The following TAX1BP3 variants were observed in gnomAD, a reference collection of about 807,000 sequenced individuals.
TAX1BP3 encodes the protein tax1-binding protein 3.
A neutral mutation model predicts 15.3 loss-of-function variants in TAX1BP3; 13 were observed. That is an observed-to-expected ratio of 0.85 (90% CI 0.55 to 1.35). TAX1BP3 has a LOEUF of 1.35. TAX1BP3 is among the 40% of genes most tolerant of loss of function. The pLI is 0.00. For synonymous variants in TAX1BP3, 70 were observed against 66.0 expected (o/e 1.06, Z -0.30); for missense variants, 147 against 169.6 (o/e 0.87, Z 0.74).
chr17:3,665,212 T>C, intron 1 of TAX1BP3: 1 of 1,250,016 alleles, frequency 8.0e-7, no homozygotes, highest in Admixed American at 1.7e-5. Context: ...TTCCAGTAAT[T>C]CGCCAAAATG....
chr17:3,664,277 A>G lies in TAX1BP3; in HGVS notation c.160-5T>C. ...CACCCGTGTGACATAAATACCCTGG[A>G]AAGGGGCAGCCCAAGTCAAGCCCTG... is the stretch of plus-strand genomic sequence containing the variant. On this transcript the variant is annotated splice_region_variant and splice_polypyrimidine_tract_variant and intron_variant, in intron 2 of 3. Coordinates refer to ENST00000225525, the MANE Select transcript of TAX1BP3 (RefSeq NM_014604.4). The G allele has an allele frequency of 6.2e-7, 1 of 1,613,934 alleles. No homozygotes were observed. Among genetic ancestry groups the G allele is most frequent in the Non-Finnish European group, 8.5e-7 (1 of 1,180,028 alleles).
In TAX1BP3 at chr17:3,668,423, C is replaced by G. The variant is rs1369418476; in HGVS notation, c.39+65G>C. The G allele has an allele frequency of 1.3e-5, 21 of 1,580,558 alleles. No homozygotes were observed. The highest frequency in any genetic ancestry group is 1.7e-4 in the Middle Eastern group (1 of 5,828). On this transcript the variant is annotated intron_variant, in intron 1 of 3. Coordinates refer to ENST00000225525, the MANE Select transcript of TAX1BP3 (RefSeq NM_014604.4). The surrounding 1 kb of genome is among the most constrained non-coding windows in gnomAD (Gnocchi z 4.1). ...TGCTCTGTCAACCTGCTTGGGGTGT[C>G]CGTTTCCCGCTCTGCGAGGTGGGGT...
At position 3,668,164 on chromosome 17, in the gene TAX1BP3, C is replaced by T. The variant is rs941486303; in HGVS notation, c.39+324G>A. On this transcript the variant is annotated intron_variant, in intron 1 of 3. Coordinates refer to ENST00000225525, the MANE Select transcript of TAX1BP3 (RefSeq NM_014604.4). The surrounding 1 kb of genome is among the most constrained non-coding windows in gnomAD (Gnocchi z 4.1). The stretch of plus-strand genomic sequence containing the variant: ...CGGGATCGGCGCCCGCCCCCAGCAG[C>T]TCCCCGTCTGGGGACACGGAGGCCC... 1.3e-5 allele frequency among the ~76,000 whole-genome samples: 2 copies of T among 152,162 alleles called. No homozygotes were observed. The highest frequency in any genetic ancestry group is 4.8e-5 in the African/African-American group (2 of 41,436).
chr17:3,667,959 C>A (rs774043557), intron 1 of TAX1BP3, among the ~76,000 whole-genome samples: 1 of 152,266 alleles, frequency 6.6e-6, no homozygotes, highest in Non-Finnish European at 1.5e-5. Flanking sequence ...CGCAGCTATA[C>A]GAGCGTCCAC....
intron 2 of TAX1BP3, chr17:3,664,473 G>A (rs373218352): frequency 5.3e-5 from 49 of 932,754 alleles, no homozygotes; most frequent in African/African-American, 2.3e-4. Context: ...GCTGATGGCC[G>A]CCTCCTGCTC....
chr17:3,665,264 C>T, intron 1 of TAX1BP3: 2 of 1,386,666 alleles, frequency 1.4e-6, no homozygotes, highest in Non-Finnish European at 2.0e-6. Flanking sequence ...GATATATGTT[C>T]TCTAGGCCTT....
At position 3,663,840 on chromosome 17, in the gene TAX1BP3, T is replaced by C; in HGVS notation, c.283A>G (p.Lys95Glu). 1 of 1,609,658 alleles carries C rather than the reference T, an allele frequency of 6.2e-7. No individual in the cohort carries two copies. Among genetic ancestry groups the C allele is most frequent in the Non-Finnish European group, 8.5e-7 (1 of 1,179,934 alleles). ...MTMVTHDQAR[K>E]RLTKRSEEVV... The stretch of plus-strand genomic sequence containing the variant: ...TCCTCCGAGCGCTTGGTGAGCCGCT[T>C]GCGGGCCTGGTCGTGTGTGACCATG... The change falls in exon 4 of 4, where the codon AAG becomes GAG. Residue 95 changes from lysine to glutamate, a missense_variant. By Grantham distance (56) the Lys-to-Glu change is moderately conservative (BLOSUM62 1). Transcript: ENST00000225525.
chr17:3,663,258 C>T lies in TAX1BP3; in HGVS notation c.*490G>A, dbSNP rs566071385. On this transcript the variant is annotated 3_prime_UTR_variant, in exon 4 of 4. Transcript: ENST00000225525. ...CCCACCTGGCTTCATCTGGGCAAAG[C>T]TTCGTAGCGCCTCTGGCAGGATGTG... 79 of 153,018 alleles carry T rather than the reference C, an allele frequency of 5.2e-4. No individual in the cohort carries two copies. The highest frequency in any genetic ancestry group is 9.9e-4 in the Non-Finnish European group (68 of 68,644). 9.5% of individuals were successfully genotyped at this position (153,018 alleles called of 1,614,324 possible). A position where few individuals can be genotyped will look rare whatever the true frequency, so the allele number is the denominator to read the frequency against.
chr17:3,663,550 C>T lies in TAX1BP3; in HGVS notation c.*198G>A, dbSNP rs1051613402. 14 of 721,112 alleles carry T rather than the reference C, an allele frequency of 1.9e-5. No individual in the cohort carries two copies. Among genetic ancestry groups the T allele is most frequent in the South Asian group, 2.8e-5 (1 of 35,290 alleles). The allele number at this position is 721,112 out of a possible 1,614,324, so 44.7% of individuals were successfully genotyped here. The stretch of plus-strand genomic sequence containing the variant: ...GCCCTTATTTCCAATCCTCGGTGTC[C>T]AGGAGAGAAAGCCGGTCCCAGAGGC... On this transcript the variant is annotated 3_prime_UTR_variant, in exon 4 of 4. Transcript: ENST00000225525.
chr17:3,664,745 G>C lies in TAX1BP3; in HGVS notation c.93C>G (p.Phe31Leu). The change falls in exon 2 of 4, where the codon TTC becomes TTG. Residue 31 changes from phenylalanine to leucine, a missense_variant. By Grantham distance (22) the Phe-to-Leu change is conservative. Transcript: ENST00000225525. ...CCTGGTCGATTCCACCTCCAATGCT[G>C]AAACCCAGGATTAAGTTCTCACCTT... is the stretch of plus-strand genomic sequence containing the variant. ...LRQGENLILGFSIGGGIDQDP... is the reference protein window; with the variant it reads ...LRQGENLILGLSIGGGIDQDP... 6.2e-7 allele frequency: 1 copy of C among 1,613,862 alleles called. No homozygotes were observed. Among genetic ancestry groups the C allele is most frequent in the Non-Finnish European group, 8.5e-7 (1 of 1,179,926 alleles).
At position 3,668,292 on chromosome 17, in the gene TAX1BP3, C is replaced by G. The variant is rs1265293885; in HGVS notation, c.39+196G>C. Reference sequence around the variant, plus strand: ...GCTCTGTCCAGGGTCTCGGGAGGCTCTCGGGTCCCGGCCATCCCTGTTTCG... The same window carrying G: ...GCTCTGTCCAGGGTCTCGGGAGGCTGTCGGGTCCCGGCCATCCCTGTTTCG... On this transcript the variant is annotated intron_variant, in intron 1 of 3. Transcript: ENST00000225525. This position sits in a 1 kb window ranked among gnomAD's most constrained non-coding sequence, Gnocchi z 4.1. Among the ~76,000 whole-genome samples the G allele has an allele frequency of 6.6e-6, 1 of 152,224 alleles. No individual in the cohort carries two copies. The highest frequency in any genetic ancestry group is 6.5e-5 in the Admixed American group (1 of 15,292).
At position 3,663,491 on chromosome 17, in the gene TAX1BP3, T is replaced by G; in HGVS notation, c.*257A>C. On this transcript the variant is annotated 3_prime_UTR_variant, in exon 4 of 4. Transcript: ENST00000225525. ...AGCAGCAGGGTCGGACCTGAGCCTG[T>G]GGTCACAGCAGACTGGCTACTACTC... is the stretch of plus-strand genomic sequence containing the variant. The G allele has an allele frequency of 2.5e-6, 1 of 402,204 alleles. No individual in the cohort carries two copies. Among genetic ancestry groups the G allele is most frequent in the Non-Finnish European group, 4.3e-6 (1 of 233,314 alleles). 24.9% of individuals were successfully genotyped at this position (402,204 alleles called of 1,614,324 possible).
At chr17:3,665,626 G>C in intron 1 of TAX1BP3, 1 of 1,196,490 alleles carries the variant, frequency 8.4e-7, no homozygotes, top group Non-Finnish European at 1.2e-6. Context: ...GCTCCACCCA[G>C]GGAAGCACAC....
At position 3,668,542 on chromosome 17, in the gene TAX1BP3, GTCGCCCAGCGCCGC is replaced by G. The variant is rs2142992527; in HGVS notation, c.-30_-17del. The G allele has an allele frequency of 1.9e-6, 3 of 1,598,958 alleles. No homozygotes were observed. The East Asian group carries it at 6.8e-5, about 36-fold the overall frequency. On this transcript the variant is annotated 5_prime_UTR_variant, in exon 1 of 4. Transcript: ENST00000225525. The surrounding 1 kb of genome is among the most constrained non-coding windows in gnomAD (Gnocchi z 4.1). ...TGTAGGACATCTCGACCCTGCTCTG[GTCGCCCAGCGCCGC>G]TCCGAGAAGCCGGCAGCAGAGTACC...
At chr17:3,666,090 G>A (rs1383481954) in intron 1 of TAX1BP3, among the ~76,000 whole-genome samples, 1 of 152,268 alleles carries the variant, frequency 6.6e-6, no homozygotes, top group African/African-American at 2.4e-5. Context: ...GTCAGCAGAT[G>A]CTGGGAGCCA....
Position 3,668,329 on chromosome 17 carries a change from A to G in TAX1BP3, c.39+159T>C, listed in dbSNP as rs1218660701. Reference sequence around the variant, plus strand: ...CCATCCCTGTTTCGTGGCTGGGGGAACTGCGGCCCGCTCCGGCAAAGCGGG... The same window carrying G: ...CCATCCCTGTTTCGTGGCTGGGGGAGCTGCGGCCCGCTCCGGCAAAGCGGG... On this transcript the variant is annotated intron_variant, in intron 1 of 3. Coordinates refer to ENST00000225525, the MANE Select transcript of TAX1BP3 (RefSeq NM_014604.4). The surrounding 1 kb of genome is among the most constrained non-coding windows in gnomAD (Gnocchi z 4.1). Among the ~76,000 whole-genome samples the G allele has an allele frequency of 6.6e-6, 1 of 152,138 alleles. No individual in the cohort carries two copies. Among genetic ancestry groups the G allele is most frequent in the South Asian group, 2.1e-4 (1 of 4,826 alleles).
intron 1 of TAX1BP3, chr17:3,665,664 G>C: frequency 1.0e-6 from 1 of 1,002,422 alleles, no homozygotes; most frequent in South Asian, 1.3e-5. Flanking sequence ...GAAGGCGCCT[G>C]AGCTGCTGGA....
intron 1 of TAX1BP3, among the ~76,000 whole-genome samples, chr17:3,667,195 TA>T (rs377451323): frequency 2.0e-5 from 3 of 151,550 alleles, no homozygotes; most frequent in African/African-American, 7.3e-5. Flanking sequence ...ATACAAAAAT[TA>T]GCTGGGCATG....
intron 3 of TAX1BP3, 140 bp downstream of exon 3, chr17:3,664,055 T>A: frequency 7.0e-7 from 1 of 1,431,742 alleles, no homozygotes; most frequent in Non-Finnish European, 9.5e-7. Flanking sequence ...GCCAGCGTCC[T>A]CTGGGGCAAT....
Sources: gnomAD v4.1 joint callset for allele counts (sites outside exome capture counted in the v4.1 genomes callset) on GRCh38, gnomAD v4.1.1 for gene constraint, Gnocchi (gnomAD v3.1) non-coding constraint, MANE v1.5 for transcripts, NCBI Gene and HGNC (gene_info 2026-07-23, HGNC 2026-07-21) for gene names.